KLHL7: variants seen among roughly 807,000 people sequenced by gnomAD.
KLHL7 encodes the protein kelch-like protein 7.
Under a neutral mutation model 67.4 loss-of-function variants are expected in KLHL7, and 44 were observed. The observed-to-expected ratio is 0.65, with a 90% CI of 0.51 to 0.84. The LOEUF (loss-of-function observed/expected upper bound fraction) is 0.84, where lower values mean the gene tolerates loss of function less well. Among genes scored for constraint, KLHL7 ranks in the 40% least tolerant of loss-of-function variants. KLHL7 has a pLI of 0.00. For synonymous variants in KLHL7, 252 were observed against 243.3 expected, an observed-to-expected ratio of 1.04 and a Z score of -0.33; for missense variants, 362 against 718.1, an observed-to-expected ratio of 0.50 and a Z score of 5.67.
At chr7:23,115,830 A>C (rs1783064938) in intron 1 of KLHL7, among the ~76,000 whole-genome samples, 1 of 152,184 alleles carries the variant, frequency 6.6e-6, no homozygotes, top group South Asian at 2.1e-4. Flanking sequence ...GGAGTGAGCC[A>C]CTGCGACTGG....
chr7:23,165,463 G>T (rs770987270), intron 7 of KLHL7, among the ~76,000 whole-genome samples: 12 of 152,104 alleles, frequency 7.9e-5, no homozygotes, highest in Non-Finnish European at 1.8e-4. Context: ...GTTTATTTTA[G>T]AGCCAGAAAG....
chr7:23,121,227 A>G (rs1318748596), intron 1 of KLHL7, among the ~76,000 whole-genome samples: 3 of 152,056 alleles, frequency 2.0e-5, no homozygotes, highest in Non-Finnish European at 4.4e-5. Context: ...TTTCTTTATC[A>G]ATTCGTCTAT....
chr7:23,154,847 C>G (rs1784650772), intron 7 of KLHL7, among the ~76,000 whole-genome samples: 1 of 152,212 alleles, frequency 6.6e-6, no homozygotes, highest in African/African-American at 2.4e-5. Flanking sequence ...AGTAAGAAGA[C>G]TATATCTGGC....
intron 7 of KLHL7, among the ~76,000 whole-genome samples, chr7:23,159,258 G>A (rs1784791013): frequency 6.6e-6 from 1 of 151,984 alleles, no homozygotes; most frequent in Admixed American, 6.6e-5. Flanking sequence ...TAACCTCCTG[G>A]CCTCAAGTGA....
intron 6 of KLHL7, among the ~76,000 whole-genome samples, chr7:23,148,644 G>A (rs1317064446): frequency 1.3e-5 from 2 of 152,026 alleles, no homozygotes; most frequent in Non-Finnish European, 2.9e-5. Context: ...TATTTTTCTG[G>A]CCTTAGAATT....
intron 4 of KLHL7, among the ~76,000 whole-genome samples, chr7:23,130,402 C>G (rs1313684649): frequency 6.6e-6 from 1 of 152,170 alleles, no homozygotes; most frequent in Non-Finnish European, 1.5e-5. Context: ...TGCCTTTACA[C>G]TAAGAAATTT....
chr7:23,112,163 C>T (rs975256648), intron 1 of KLHL7, among the ~76,000 whole-genome samples: 5 of 152,096 alleles, frequency 3.3e-5, no homozygotes, highest in African/African-American at 9.7e-5. Context: ...GATGCTGGTA[C>T]ATGATTGGAT....
chr7:23,143,177 A>G (rs926804113), intron 5 of KLHL7, among the ~76,000 whole-genome samples: 2 of 152,200 alleles, frequency 1.3e-5, no homozygotes, highest in African/African-American at 4.8e-5. Context: ...TTTAGTGGGT[A>G]TGGGAGATGT....
At chr7:23,168,148 A>G in intron 9 of KLHL7, 111 bp downstream of exon 9, 1 of 1,001,576 alleles carries the variant, frequency 1.0e-6, no homozygotes, top group Non-Finnish European at 1.5e-6. Flanking sequence ...TTGAGTGAAG[A>G]GTGTATATAA....
intron 7 of KLHL7, among the ~76,000 whole-genome samples, chr7:23,159,166 G>A (rs1294582952): frequency 2.0e-5 from 3 of 152,184 alleles, no homozygotes; most frequent in African/African-American, 2.4e-5. Context: ...TGTCTTTTGT[G>A]AGATCTTTTT....
intron 4 of KLHL7, among the ~76,000 whole-genome samples, chr7:23,128,563 G>A (rs1783673946): frequency 6.6e-6 from 1 of 151,118 alleles, no homozygotes; most frequent in Admixed American, 6.6e-5. Context: ...AAGATCAAAA[G>A]AGAGCTTACA....
intron 2 of KLHL7, among the ~76,000 whole-genome samples, 157 bp from the exon 3 acceptor site, chr7:23,124,531 A>G (rs536939831): frequency 3.3e-5 from 5 of 152,328 alleles, no homozygotes; most frequent in Admixed American, 3.3e-4. Context: ...ATTAATTTGC[A>G]TTGACTATAG....
chr7:23,159,558 G>A (rs892539896), intron 7 of KLHL7, among the ~76,000 whole-genome samples: 5 of 151,950 alleles, frequency 3.3e-5, no homozygotes, highest in Non-Finnish European at 7.4e-5. Context: ...TTGAAACAAG[G>A]TCTCACTCTG....
At chr7:23,126,294 T>C (rs957744033) in intron 4 of KLHL7, among the ~76,000 whole-genome samples, 4 of 152,144 alleles carry the variant, frequency 2.6e-5, no homozygotes, top group African/African-American at 9.7e-5. Context: ...TTCAAACATA[T>C]GAATTGTTTG....
At position 23,170,419 on chromosome 7, in the gene KLHL7, G is replaced by T. The variant is rs193099575; in HGVS notation, c.1379+2382G>T. Among the ~76,000 whole-genome samples the T allele has an allele frequency of 1.2e-3, 178 of 152,304 alleles. 1 individual carries two copies. Among genetic ancestry groups the T allele is most frequent in the African/African-American group, 4.0e-3 (167 of 41,564 alleles). ...GGGAGCTAAAAATGTTGATCTCATG[G>T]AGGTAGAGAGTAGAATGATGGTTAT... On this transcript the variant is annotated intron_variant, in intron 9 of 10. Transcript: ENST00000339077.
At chr7:23,145,591 C>T (rs1427873687) in intron 6 of KLHL7, among the ~76,000 whole-genome samples, 2 of 152,120 alleles carry the variant, frequency 1.3e-5, no homozygotes, top group East Asian at 3.8e-4. Flanking sequence ...ATCAGAGTAG[C>T]TGGTCATTTT....
At chr7:23,110,469 C>G (rs1782819776) in intron 1 of KLHL7, among the ~76,000 whole-genome samples, 1 of 152,118 alleles carries the variant, frequency 6.6e-6, no homozygotes, top group African/African-American at 2.4e-5. Flanking sequence ...GCTATTAGCA[C>G]TTAAGCTTGT....
intron 10 of KLHL7, among the ~76,000 whole-genome samples, chr7:23,173,314 C>T (rs1583743025): frequency 1.3e-5 from 2 of 152,048 alleles, no homozygotes; most frequent in South Asian, 2.1e-4. Flanking sequence ...GGAATGATGT[C>T]GCACCAGCTT....
At chr7:23,140,587 A>AG in intron 4 of KLHL7, 182 bp from the exon 5 acceptor site, 1 of 684,894 alleles carries the variant, frequency 1.5e-6, no homozygotes, top group East Asian at 2.7e-5. Flanking sequence ...ACAAAAAAAA[A>AG]ACCAGTCTTT....
Sources: gnomAD v4.1 joint callset for allele counts (sites outside exome capture counted in the v4.1 genomes callset) on GRCh38, gnomAD v4.1.1 for gene constraint, MANE v1.5 for transcripts, NCBI Gene and HGNC (gene_info 2026-07-23, HGNC 2026-07-21) for gene names.